TENM2: variants seen among roughly 807,000 people sequenced by gnomAD.
TENM2 encodes the protein teneurin transmembrane protein 2.
TENM2 carries 52 observed loss-of-function variants against 245.2 expected under a neutral mutation model. That is an observed-to-expected ratio of 0.21 (90% CI 0.17 to 0.27). TENM2 has a LOEUF of 0.27. TENM2 is among the 10% of genes least tolerant of loss of function. TENM2 has a pLI of 1.00. For missense variants in TENM2, 3,046 were observed against 3,666.8 expected, an observed-to-expected ratio of 0.83 and a Z score of 4.37; for synonymous variants, 1,363 against 1,438.9, an observed-to-expected ratio of 0.95 and a Z score of 1.19.
chr5:167,835,183 G>A (rs1768878052), intron 2 of TENM2, among the ~76,000 whole-genome samples: 1 of 152,236 alleles, frequency 6.6e-6, no homozygotes, highest in African/African-American at 2.4e-5. Flanking sequence ...CTGGCTCTGA[G>A]TAGCCTGAAG....
chr5:167,158,516 G>A, the TENM2 span, among the ~76,000 whole-genome samples: 1 of 152,114 alleles, frequency 6.6e-6, no homozygotes, highest in Non-Finnish European at 1.5e-5. Context: ...TGGCTTCAAC[G>A]AAAAAGCATT....
At chr5:167,336,176 C>CTT (rs35059289) in intron 1 of TENM2, among the ~76,000 whole-genome samples, 1,245 of 83,006 alleles carry the variant, frequency 0.015, 31 homozygotes, top group East Asian at 0.028. Context: ...TTCATTTCTC[C>CTT]TTTTTTTTTT....
chr5:167,051,449 G>A, the TENM2 span, among the ~76,000 whole-genome samples: 1 of 150,818 alleles, frequency 6.6e-6, no homozygotes, highest in Admixed American at 6.6e-5. Flanking sequence ...AAAAAGCTTG[G>A]AGTGTACATT....
At chr5:167,201,279 C>G in the TENM2 span, among the ~76,000 whole-genome samples, 1 of 152,094 alleles carries the variant, frequency 6.6e-6, no homozygotes, top group Non-Finnish European at 1.5e-5. Flanking sequence ...AAAGGCAAAA[C>G]TGTTATTGTA....
At chr5:167,453,937 T>C (rs1467026135) in intron 2 of TENM2, among the ~76,000 whole-genome samples, 1 of 152,244 alleles carries the variant, frequency 6.6e-6, no homozygotes, top group Admixed American at 6.5e-5. Flanking sequence ...TTAAGCTTTA[T>C]AATTTTCCAT....
intron 2 of TENM2, among the ~76,000 whole-genome samples, chr5:167,566,688 C>T (rs1773930387): frequency 6.6e-6 from 1 of 152,158 alleles, no homozygotes; most frequent in African/African-American, 2.4e-5. Flanking sequence ...TATTGAGAAA[C>T]ATCAGTAACA....
intron 2 of TENM2, among the ~76,000 whole-genome samples, chr5:167,776,629 A>T (rs1349184992): frequency 1.1e-4 from 1 of 9,394 alleles, no homozygotes; most frequent in Non-Finnish European, 1.8e-4. Context: ...AAAAAAAACC[A>T]TATATATGTA....
At chr5:167,485,390 A>G (rs2127534658) in intron 2 of TENM2, among the ~76,000 whole-genome samples, 1 of 152,358 alleles carries the variant, frequency 6.6e-6, no homozygotes, top group South Asian at 2.1e-4. Flanking sequence ...GTTATTTTCA[A>G]ATCACACAAT....
At chr5:167,602,738 G>A (rs1393210737) in intron 2 of TENM2, among the ~76,000 whole-genome samples, 4 of 152,146 alleles carry the variant, frequency 2.6e-5, no homozygotes, top group African/African-American at 9.7e-5. Context: ...AAAAAGACAA[G>A]GAAACTTCAA....
At chr5:167,395,110 T>A (rs1272995047) in intron 2 of TENM2, among the ~76,000 whole-genome samples, 1 of 152,184 alleles carries the variant, frequency 6.6e-6, no homozygotes, top group African/African-American at 2.4e-5. Flanking sequence ...CAACATTAAG[T>A]CTTCCAATCC....
intron 2 of TENM2, among the ~76,000 whole-genome samples, chr5:167,440,810 T>A (rs1764836160): frequency 6.6e-6 from 1 of 152,112 alleles, no homozygotes; most frequent in South Asian, 2.1e-4. Context: ...TTTTTGTGCA[T>A]CTACAGTGTG....
At chr5:167,249,602 G>T in the TENM2 span, among the ~76,000 whole-genome samples, 1 of 152,050 alleles carries the variant, frequency 6.6e-6, no homozygotes, top group Non-Finnish European at 1.5e-5. Flanking sequence ...AAGATATATT[G>T]TCTCTTTACC....
At chr5:168,085,275 A>G (rs1792350363) in intron 7 of TENM2, 1 of 152,238 alleles carries the variant, frequency 6.6e-6, no homozygotes. Flanking sequence ...GTAATGAAAG[A>G]ATCAAGAATT....
chr5:168,205,890 A>C (rs1762313426), intron 19 of TENM2, among the ~76,000 whole-genome samples: 1 of 152,196 alleles, frequency 6.6e-6, no homozygotes, highest in Admixed American at 6.5e-5. Flanking sequence ...GTAGGACTGC[A>C]GGAGTGGAGG....
At chr5:167,084,331 A>ATATATT in the TENM2 span, among the ~76,000 whole-genome samples, 2 of 63,648 alleles carry the variant, frequency 3.1e-5, no homozygotes, top group African/African-American at 1.7e-4. Flanking sequence ...TTTTAGTTAT[A>ATATATT]TATATATATA....
At chr5:167,045,953 T>A in the TENM2 span, among the ~76,000 whole-genome samples, 3 of 152,200 alleles carry the variant, frequency 2.0e-5, no homozygotes, top group African/African-American at 7.2e-5. Flanking sequence ...TAAAACATAC[T>A]CATTTTCTCT....
the TENM2 span, among the ~76,000 whole-genome samples, chr5:167,258,722 C>T: frequency 6.6e-6 from 1 of 152,004 alleles, no homozygotes; most frequent in African/African-American, 2.4e-5. Context: ...GTTATTTATA[C>T]ATAATTTAAC....
At chr5:168,050,957 T>A (rs1233260483) in intron 6 of TENM2, among the ~76,000 whole-genome samples, 2 of 152,206 alleles carry the variant, frequency 1.3e-5, no homozygotes, top group Non-Finnish European at 2.9e-5. Flanking sequence ...TGTATTTCTA[T>A]GTTAAAAGGA....
At chr5:167,293,189 T>A (rs1345157747) in intron 1 of TENM2, among the ~76,000 whole-genome samples, 1 of 151,238 alleles carries the variant, frequency 6.6e-6, no homozygotes, top group African/African-American at 2.4e-5. Context: ...ATAAAAAGAG[T>A]GTTGGCTTTT....
Sources: gnomAD v4.1 joint callset for allele counts (sites outside exome capture counted in the v4.1 genomes callset) on GRCh38, gnomAD v4.1.1 for gene constraint, MANE v1.5 for transcripts, NCBI Gene and HGNC (gene_info 2026-07-23, HGNC 2026-07-21) for gene names.